The following CCDC126 variants were observed in gnomAD, a reference collection of about 807,000 sequenced individuals.
CCDC126 encodes coiled-coil domain-containing protein 126.
Under a neutral mutation model 11.7 loss-of-function variants are expected in CCDC126, and 5 were observed. The ratio of observed to expected loss-of-function variants is 0.43; its 90% CI spans 0.22 to 0.90. The LOEUF is 0.90. Ranked by LOEUF, CCDC126 falls within the 40% of genes least tolerant of loss-of-function variation. The pLI is 0.27. For synonymous variants in CCDC126, 60 were observed against 61.9 expected (o/e 0.97, Z 0.14); for missense variants, 150 against 163.1 (o/e 0.92, Z 0.44).
At chr7:23,620,791 A>G (rs1439241788) in intron 3 of CCDC126, among the ~76,000 whole-genome samples, 4 of 152,174 alleles carry the variant, frequency 2.6e-5, no homozygotes, top group Non-Finnish European at 5.9e-5. Context: ...TCAGCTTTCT[A>G]CATATGGCTA....
At chr7:23,622,866 T>G in intron 3 of CCDC126, 3 of 393,902 alleles carry the variant, frequency 7.6e-6, no homozygotes, top group South Asian at 2.1e-5. Context: ...CTGCAACCAA[T>G]GTTCTCTTGT....
rs540708677 is a variant in CCDC126 at position 23,633,533 on chromosome 7, T to G, written c.239-9398T>G. On this transcript the variant is annotated intron_variant, in intron 3 of 3. Transcript: ENST00000307471. ...TCCTTTACTGCTAGTAGCTTCATAGTAAAACTTTACACTGGGTAACTCACT... is the reference window on the plus strand; with the variant it reads ...TCCTTTACTGCTAGTAGCTTCATAGGAAAACTTTACACTGGGTAACTCACT... Among the ~76,000 whole-genome samples, 134 of 151,766 alleles carry G rather than the reference T, an allele frequency of 8.8e-4. 1 individual carries two copies. Among genetic ancestry groups the G allele is most frequent in the South Asian group, 2.0e-3 (9 of 4,428 alleles).
Position 23,622,632 on chromosome 7 carries a change from A to T in CCDC126, c.238+11079A>T, listed in dbSNP as rs1004183682. The stretch of plus-strand genomic sequence containing the variant: ...TGAGTGGCTCTAAGGATAGCCAAGG[A>T]TCCAAGGTTTGTACTGTGTACACAC... On this transcript the variant is annotated intron_variant, in intron 3 of 3. Coordinates refer to ENST00000307471, the MANE Select transcript of CCDC126 (RefSeq NM_138771.4). 18 of 535,930 alleles carry T rather than the reference A, an allele frequency of 3.4e-5. No individual in the cohort carries two copies. The Admixed American group carries it at 3.5e-4, about 10-fold the overall frequency. 33.2% of individuals were successfully genotyped at this position (535,930 alleles called of 1,614,324 possible).
intron 3 of CCDC126, among the ~76,000 whole-genome samples, chr7:23,618,538 ATT>A (rs5741645): frequency 0.11 from 13,361 of 119,522 alleles, 2,053 homozygotes; most frequent in African/African-American, 0.36. Flanking sequence ...GATCAGCTAA[ATT>A]TTTTTTTTTT....
At chr7:23,601,309 T>G (rs1230250082) in intron 2 of CCDC126, among the ~76,000 whole-genome samples, 1 of 152,116 alleles carries the variant, frequency 6.6e-6, no homozygotes, top group African/African-American at 2.4e-5. Flanking sequence ...GGGGGCCTCT[T>G]CAGTCTGGGA....
chr7:23,614,162 C>T (rs1054320608), intron 3 of CCDC126, among the ~76,000 whole-genome samples: 8 of 152,150 alleles, frequency 5.3e-5, no homozygotes, highest in East Asian at 1.9e-4. Flanking sequence ...ATTTTACCTA[C>T]GGTAGAACTT....
intron 2 of CCDC126, among the ~76,000 whole-genome samples, chr7:23,603,888 A>G (rs1782580525): frequency 6.6e-6 from 1 of 152,162 alleles, no homozygotes; most frequent in South Asian, 2.1e-4. Context: ...TCTTGCCCAT[A>G]AGGGACCTGG....
intron 2 of CCDC126, among the ~76,000 whole-genome samples, chr7:23,598,842 C>G (rs1056379617): frequency 6.6e-6 from 1 of 152,218 alleles, no homozygotes; most frequent in African/African-American, 2.4e-5. Context: ...CTGTCACTAT[C>G]TGTGTAACCT....
chr7:23,625,053 G>A (rs6461718), intron 3 of CCDC126, among the ~76,000 whole-genome samples: 112,709 of 152,080 alleles, frequency 0.74, 41,967 homozygotes, highest in South Asian at 0.77. Flanking sequence ...TGTGTTGCCC[G>A]GCATATTCTC....
At chr7:23,626,086 T>C (rs1783010843) in intron 3 of CCDC126, among the ~76,000 whole-genome samples, 1 of 130,250 alleles carries the variant, frequency 7.7e-6, no homozygotes. Context: ...TTTTATGATT[T>C]AGTTTTGTGC....
intron 2 of CCDC126, chr7:23,602,188 G>C (rs1782556597): frequency 6.6e-6 from 1 of 152,116 alleles, no homozygotes; most frequent in Non-Finnish European, 1.5e-5. Context: ...ACATGTTAAT[G>C]CCTGTAATAA....
intron 3 of CCDC126, among the ~76,000 whole-genome samples, chr7:23,621,947 G>A (rs1218821950): frequency 6.6e-6 from 1 of 152,184 alleles, no homozygotes; most frequent in Non-Finnish European, 1.5e-5. Context: ...GATCAAGGTG[G>A]ATAAGCTTTT....
At chr7:23,617,232 T>C (rs1278376272) in intron 3 of CCDC126, among the ~76,000 whole-genome samples, 4 of 150,146 alleles carry the variant, frequency 2.7e-5, no homozygotes, top group Non-Finnish European at 5.9e-5. Context: ...CCTGTAATCC[T>C]AGCTACTCGG....
intron 2 of CCDC126, among the ~76,000 whole-genome samples, chr7:23,605,384 G>C (rs193187569): frequency 4.7e-5 from 7 of 150,474 alleles, no homozygotes; most frequent in Non-Finnish European, 1.0e-4. Flanking sequence ...TTTTAAGCAG[G>C]AGAATGTGAT....
intron 3 of CCDC126, among the ~76,000 whole-genome samples, chr7:23,633,789 G>C (rs1346040395): frequency 1.3e-5 from 2 of 152,120 alleles, no homozygotes; most frequent in Non-Finnish European, 2.9e-5. Context: ...CGAGGTCGAG[G>C]CTGCAATGAG....
intron 2 of CCDC126, among the ~76,000 whole-genome samples, chr7:23,610,292 C>G (rs2128015544): frequency 6.6e-6 from 1 of 152,234 alleles, no homozygotes; most frequent in Admixed American, 6.5e-5. Context: ...GCTCACTGTA[C>G]CCTTAACCTC....
At chr7:23,638,467 G>A (rs866287352) in intron 3 of CCDC126, among the ~76,000 whole-genome samples, 46 of 102,036 alleles carry the variant, frequency 4.5e-4, no homozygotes, top group Non-Finnish European at 8.4e-4. Context: ...AGGGTTAAAT[G>A]GATTAAGGGC....
At chr7:23,629,813 A>T (rs1230029297) in intron 3 of CCDC126, among the ~76,000 whole-genome samples, 3 of 152,214 alleles carry the variant, frequency 2.0e-5, no homozygotes, top group Non-Finnish European at 4.4e-5. Flanking sequence ...AAATAAAAAG[A>T]ATAGAGCTTC....
At chr7:23,627,653 C>G (rs990665284) in intron 3 of CCDC126, among the ~76,000 whole-genome samples, 3 of 151,956 alleles carry the variant, frequency 2.0e-5, no homozygotes, top group Admixed American at 6.6e-5. Flanking sequence ...GGCTGGAGTA[C>G]AGTGGCACGA....
Sources: allele counts gnomAD v4.1 joint callset (sites outside exome capture counted in the v4.1 genomes callset), GRCh38; gene constraint gnomAD v4.1.1; transcripts MANE v1.5; gene names NCBI Gene and HGNC (gene_info 2026-07-23, HGNC 2026-07-21).